CSMD1: variants seen among roughly 807,000 people sequenced by gnomAD.
CSMD1 encodes the protein CUB and Sushi multiple domains 1.
A neutral mutation model predicts 417.5 loss-of-function variants in CSMD1; 213 were observed. That is an observed-to-expected ratio of 0.51 (90% CI 0.46 to 0.57). The LOEUF (loss-of-function observed/expected upper bound fraction) is 0.57. Among genes scored for constraint, CSMD1 ranks in the 20% least tolerant of loss-of-function variants. The pLI, the probability that CSMD1 is intolerant of heterozygous loss-of-function variation, is 0.00. For synonymous variants in CSMD1, 2,862 were observed against 1,736.8 expected (o/e 1.65, Z -16.11); for missense variants, 6,923 against 4,529.7 (o/e 1.53, Z -15.17).
intron 1 of CSMD1, among the ~76,000 whole-genome samples, chr8:4,842,614 C>T (rs746839534): frequency 9.9e-5 from 15 of 152,172 alleles, no homozygotes; most frequent in Non-Finnish European, 1.9e-4. Flanking sequence ...ACCCGGGTGC[C>T]TATGTGCAAA....
chr8:4,601,810 G>C (rs764563677), intron 2 of CSMD1, among the ~76,000 whole-genome samples: 1 of 152,276 alleles, frequency 6.6e-6, no homozygotes. Context: ...ATTTATCCAT[G>C]TCTGAGCATG....
At chr8:4,787,815 T>C (rs2117218451) in intron 1 of CSMD1, 4 of 1,574,554 alleles carry the variant, frequency 2.5e-6, no homozygotes, top group Middle Eastern at 2.3e-4. Flanking sequence ...TGAGTCATGC[T>C]ACACAGGCTA....
chr8:3,764,522 CCT>C (rs1422981799), intron 5 of CSMD1, among the ~76,000 whole-genome samples: 2 of 152,096 alleles, frequency 1.3e-5, no homozygotes, highest in African/African-American at 2.4e-5. Flanking sequence ...GGATGTCACA[CCT>C]GAGACATCAC....
intron 7 of CSMD1, among the ~76,000 whole-genome samples, chr8:3,631,428 C>G (rs192689638): frequency 6.6e-6 from 1 of 152,142 alleles, no homozygotes; most frequent in Non-Finnish European, 1.5e-5. Context: ...GAGCCTGGAG[C>G]GTTGTGAACA....
intron 27 of CSMD1, among the ~76,000 whole-genome samples, chr8:3,228,096 C>A (rs1798621105): frequency 6.6e-6 from 1 of 152,124 alleles, no homozygotes; most frequent in Non-Finnish European, 1.5e-5. Context: ...ATTACATATA[C>A]ATAATTATGA....
chr8:4,395,084 T>G (rs182920537), intron 3 of CSMD1, among the ~76,000 whole-genome samples: 45 of 152,292 alleles, frequency 3.0e-4, no homozygotes, highest in Admixed American at 6.5e-4. Context: ...TGGCACCTCC[T>G]GCACCCACAT....
intron 7 of CSMD1, among the ~76,000 whole-genome samples, chr8:3,672,836 G>T (rs764953704): frequency 1.3e-5 from 2 of 152,206 alleles, no homozygotes; most frequent in Non-Finnish European, 1.5e-5. Context: ...ATGGGCAATA[G>T]ACTTGGAGAC....
At chr8:3,756,782 GA>G (rs1797684179) in intron 5 of CSMD1, among the ~76,000 whole-genome samples, 2 of 151,082 alleles carry the variant, frequency 1.3e-5, no homozygotes, top group Admixed American at 1.3e-4. Context: ...GGTTCTGACT[GA>G]AAAAACCAGG....
chr8:4,116,235 C>G (rs1802139349), intron 3 of CSMD1, among the ~76,000 whole-genome samples: 1 of 152,032 alleles, frequency 6.6e-6, no homozygotes, highest in African/African-American at 2.4e-5. Context: ...CTCAGGTGAT[C>G]CACAAGCCTC....
At chr8:4,021,593 T>G (rs1234589613) in intron 4 of CSMD1, among the ~76,000 whole-genome samples, 1 of 152,208 alleles carries the variant, frequency 6.6e-6, no homozygotes, top group Non-Finnish European at 1.5e-5. Context: ...AGTCTTATCC[T>G]GATGCCCTCA....
intron 5 of CSMD1, among the ~76,000 whole-genome samples, chr8:3,878,168 T>C (rs953535130): frequency 6.6e-6 from 1 of 152,156 alleles, no homozygotes; most frequent in Non-Finnish European, 1.5e-5. Flanking sequence ...GCACGAGAGA[T>C]TCAAATGGAG....
At chr8:4,284,113 A>C (rs1796932848) in intron 3 of CSMD1, among the ~76,000 whole-genome samples, 1 of 152,174 alleles carries the variant, frequency 6.6e-6, no homozygotes, top group Admixed American at 6.5e-5. Context: ...CACACCTGTA[A>C]TCCTAGCATT....
chr8:3,803,364 T>G (rs964399640), intron 5 of CSMD1, among the ~76,000 whole-genome samples: 1 of 152,136 alleles, frequency 6.6e-6, no homozygotes, highest in African/African-American at 2.4e-5. Context: ...AAGACTTGAA[T>G]GGTAAGCTGA....
intron 1 of CSMD1, among the ~76,000 whole-genome samples, chr8:4,762,141 A>C (rs1286820341): frequency 6.6e-6 from 1 of 152,124 alleles, no homozygotes; most frequent in Admixed American, 6.6e-5. Context: ...TAAATGTAAA[A>C]GGTAAGATGT....
intron 2 of CSMD1, among the ~76,000 whole-genome samples, chr8:4,558,301 C>G (rs918818923): frequency 1.3e-5 from 2 of 152,158 alleles, no homozygotes; most frequent in African/African-American, 4.8e-5. Flanking sequence ...TGGAAGATTT[C>G]CACTTAACCA....
chr8:4,644,326 G>T (rs1176843155), intron 1 of CSMD1, among the ~76,000 whole-genome samples: 3 of 152,160 alleles, frequency 2.0e-5, no homozygotes, highest in African/African-American at 7.2e-5. Flanking sequence ...GAGGCCTCAT[G>T]CAGGTCTCAC....
At chr8:4,372,227 G>A (rs1475809777) in intron 3 of CSMD1, among the ~76,000 whole-genome samples, 1 of 152,152 alleles carries the variant, frequency 6.6e-6, no homozygotes, top group Non-Finnish European at 1.5e-5. Context: ...GCAGGAAAAA[G>A]TAAAACTTTA....
At chr8:4,287,849 C>A (rs912268487) in intron 3 of CSMD1, among the ~76,000 whole-genome samples, 2 of 151,950 alleles carry the variant, frequency 1.3e-5, no homozygotes, top group Admixed American at 1.3e-4. Flanking sequence ...GAAGTGCCTC[C>A]CCTGTTCCTA....
At chr8:4,105,813 T>C (rs957694387) in intron 3 of CSMD1, among the ~76,000 whole-genome samples, 4 of 152,220 alleles carry the variant, frequency 2.6e-5, no homozygotes, top group Admixed American at 6.5e-5. Context: ...TCCACTGAGT[T>C]ACTTGTCACC....
Sources: gnomAD v4.1 joint callset for allele counts (sites outside exome capture counted in the v4.1 genomes callset) on GRCh38, gnomAD v4.1.1 for gene constraint, MANE v1.5 for transcripts, NCBI Gene and HGNC (gene_info 2026-07-23, HGNC 2026-07-21) for gene names.